The following INPP4B variants were observed in gnomAD, a reference collection of about 807,000 sequenced individuals.
INPP4B encodes the protein inositol polyphosphate 4-phosphatase type II.
INPP4B carries 55 observed loss-of-function variants against 122.5 expected under a neutral mutation model. The ratio of observed to expected loss-of-function variants is 0.45; its 90% CI spans 0.36 to 0.56. INPP4B has a LOEUF of 0.56. INPP4B is among the 20% of genes least tolerant of loss of function. INPP4B has a pLI of 0.00. For missense variants in INPP4B, 1,000 were observed against 1,097.7 expected (o/e 0.91, Z 1.26); for synonymous variants, 403 against 388.7 (o/e 1.04, Z -0.43).
chr4:142,172,245 T>A (rs1825990294), intron 16 of INPP4B, among the ~76,000 whole-genome samples: 1 of 152,008 alleles, frequency 6.6e-6, no homozygotes. Context: ...GTCATCCAGA[T>A]CTGGGTTTGA....
At chr4:142,147,602 T>A (rs1165245615) in intron 17 of INPP4B, among the ~76,000 whole-genome samples, 1 of 152,148 alleles carries the variant, frequency 6.6e-6, no homozygotes, top group African/African-American at 2.4e-5. Flanking sequence ...AATGCTGTGT[T>A]TTCTAAGAAG....
intron 3 of INPP4B, among the ~76,000 whole-genome samples, chr4:142,456,088 T>G (rs1815358184): frequency 6.6e-6 from 1 of 152,058 alleles, no homozygotes; most frequent in Non-Finnish European, 1.5e-5. Flanking sequence ...AAATATTTTC[T>G]CCCATTCTGT....
chr4:142,739,241 C>A (rs116136582), intron 1 of INPP4B, among the ~76,000 whole-genome samples: 4 of 151,980 alleles, frequency 2.6e-5, no homozygotes. Context: ...AATTCTAGTA[C>A]CCATATCTTG....
intron 2 of INPP4B, among the ~76,000 whole-genome samples, chr4:142,490,894 T>A (rs949375883): frequency 1.3e-5 from 2 of 152,202 alleles, no homozygotes; most frequent in Admixed American, 6.6e-5. Context: ...AATGACAGGA[T>A]TTCCTACTTT....
intron 1 of INPP4B, among the ~76,000 whole-genome samples, chr4:142,784,221 G>GA (rs1424503276): frequency 6.6e-6 from 1 of 151,852 alleles, no homozygotes; most frequent in Admixed American, 6.6e-5. Context: ...AAATTAGCCG[G>GA]GCGTGGTGGC....
At chr4:142,827,416 C>T (rs1781579640) in intron 1 of INPP4B, among the ~76,000 whole-genome samples, 1 of 152,098 alleles carries the variant, frequency 6.6e-6, no homozygotes, top group South Asian at 2.1e-4. Context: ...CTAGAAGGTC[C>T]TCGTATAAAT....
chr4:142,382,743 A>T (rs781290995), intron 7 of INPP4B, among the ~76,000 whole-genome samples: 1 of 149,538 alleles, frequency 6.7e-6, no homozygotes, highest in Non-Finnish European at 1.5e-5. Flanking sequence ...TTATTAAATG[A>T]ACACATTAGG....
intron 2 of INPP4B, among the ~76,000 whole-genome samples, chr4:142,696,705 A>G (rs1761076939): frequency 6.6e-6 from 1 of 152,192 alleles, no homozygotes; most frequent in Non-Finnish European, 1.5e-5. Flanking sequence ...GGCACTACAC[A>G]GCCATCGACT....
At chr4:142,411,572 G>A (rs1295404647) in intron 5 of INPP4B, among the ~76,000 whole-genome samples, 5 of 152,026 alleles carry the variant, frequency 3.3e-5, no homozygotes, top group African/African-American at 1.2e-4. Flanking sequence ...GAGGACATTG[G>A]CATCCTAGAA....
chr4:142,793,813 T>C (rs1776865398), intron 1 of INPP4B, among the ~76,000 whole-genome samples: 1 of 151,766 alleles, frequency 6.6e-6, no homozygotes, highest in Non-Finnish European at 1.5e-5. Context: ...TAAAATAGCA[T>C]GAAAAAAAAT....
chr4:142,038,677 A>G (rs336341), intron 25 of INPP4B, among the ~76,000 whole-genome samples: 15,762 of 152,162 alleles, frequency 0.1, 1,494 homozygotes, highest in African/African-American at 0.25. Flanking sequence ...CATTGAGAAT[A>G]AGAAAAATCC....
At chr4:142,088,521 CA>C (rs1210181347) in intron 23 of INPP4B, among the ~76,000 whole-genome samples, 1 of 136,210 alleles carries the variant, frequency 7.3e-6, no homozygotes, top group Non-Finnish European at 1.7e-5. Flanking sequence ...TGTGTGTGTG[CA>C]CGTGCACATG....
chr4:142,160,652 A>C (rs1819654122), intron 16 of INPP4B, 91 bp from the exon 17 acceptor site: 1 of 886,730 alleles, frequency 1.1e-6, no homozygotes, highest in Admixed American at 2.5e-5. Context: ...GTTGGTACTT[A>C]AGTGGTGTGT....
intron 3 of INPP4B, among the ~76,000 whole-genome samples, chr4:142,443,663 A>G (rs539720213): frequency 1.3e-5 from 2 of 152,098 alleles, no homozygotes; most frequent in Non-Finnish European, 2.9e-5. Context: ...ACAGAAGGCT[A>G]CCTCCCACCA....
At chr4:142,067,902 A>G (rs1764545028) in intron 25 of INPP4B, among the ~76,000 whole-genome samples, 1 of 152,220 alleles carries the variant, frequency 6.6e-6, no homozygotes, top group Non-Finnish European at 1.5e-5. Context: ...GTTGGAAAAC[A>G]CTCTGCAGGA....
intron 7 of INPP4B, among the ~76,000 whole-genome samples, chr4:142,372,318 G>C (rs541558057): frequency 6.6e-6 from 1 of 152,106 alleles, no homozygotes; most frequent in Non-Finnish European, 1.5e-5. Flanking sequence ...CAGTTACATA[G>C]AAGGAATTAG....
intron 25 of INPP4B, among the ~76,000 whole-genome samples, chr4:142,070,592 C>T (rs6846391): frequency 0.025 from 3,779 of 152,226 alleles, 175 homozygotes; most frequent in African/African-American, 0.087. Flanking sequence ...AAAACCCCAT[C>T]GTCTGAGCCC....
intron 1 of INPP4B, among the ~76,000 whole-genome samples, chr4:142,791,275 C>A (rs946187236): frequency 1.3e-5 from 2 of 152,048 alleles, no homozygotes; most frequent in African/African-American, 2.4e-5. Flanking sequence ...TGTAAAGGGA[C>A]TGTTAAATAT....
chr4:142,564,812 A>G (rs960668156), intron 2 of INPP4B, among the ~76,000 whole-genome samples: 3 of 152,158 alleles, frequency 2.0e-5, no homozygotes, highest in African/African-American at 7.2e-5. Flanking sequence ...GGTTTAAAAA[A>G]ATGGAGTAAC....
Sources: allele counts gnomAD v4.1 joint callset (sites outside exome capture counted in the v4.1 genomes callset), GRCh38; gene constraint gnomAD v4.1.1; transcripts MANE v1.5; gene names NCBI Gene and HGNC (gene_info 2026-07-23, HGNC 2026-07-21).